Variants in UGT2A3 observed in about 807,000 individuals in gnomAD.
UGT2A3 encodes the protein UDP glucuronosyltransferase family 2 member A3.
Under a neutral mutation model 44.1 loss-of-function variants are expected in UGT2A3, and 55 were observed. The observed-to-expected ratio is 1.25, with a 90% CI of 1.00 to 1.56. The LOEUF (loss-of-function observed/expected upper bound fraction) is 1.56, where lower values mean the gene tolerates loss of function less well. Ranked by LOEUF, UGT2A3 falls within the 40% of genes most tolerant of loss-of-function variation. The pLI is 0.00. For missense variants in UGT2A3, 733 were observed against 621.6 expected (o/e 1.18, Z -1.91); for synonymous variants, 243 against 215.1 (o/e 1.13, Z -1.13).
In UGT2A3 at chr4:68,928,806, T is replaced by A. The variant is rs577546905; in HGVS notation, c.*1007A>T. The A allele has an allele frequency of 5.3e-5, 8 of 152,080 alleles. No homozygotes were observed. In the East Asian group the frequency reaches 7.7e-4, roughly 15 times the overall value. The allele number at this position is 152,080 out of a possible 1,614,324, so 9.4% of individuals were successfully genotyped here. On this transcript the variant is annotated 3_prime_UTR_variant, in exon 6 of 6. Transcript: ENST00000251566. Reference sequence around the variant, plus strand: ...ACTATTTGTTATGCAGGTTTTCTAATACCTTAAATTTTTACTATGTAAGCA... The same window carrying A: ...ACTATTTGTTATGCAGGTTTTCTAAAACCTTAAATTTTTACTATGTAAGCA...
chr4:68,931,005 A>G, intron 4 of UGT2A3, 150 bp downstream of exon 4: 2 of 746,672 alleles, frequency 2.7e-6, no homozygotes, highest in Non-Finnish European at 4.2e-6. Flanking sequence ...AATCTATACA[A>G]TTTTAGTCAA....
At chr4:68,947,805 G>A (rs1315935802) in intron 1 of UGT2A3, among the ~76,000 whole-genome samples, 3 of 151,752 alleles carry the variant, frequency 2.0e-5, no homozygotes, top group African/African-American at 7.2e-5. Context: ...TTGTCAATGA[G>A]CAGCAATATT....
rs1718078091 is a variant in UGT2A3 at position 68,939,007 on chromosome 4, C to G, written c.865-6248G>C. Among the ~76,000 whole-genome samples, 5 of 152,184 alleles carry G rather than the reference C, an allele frequency of 3.3e-5. No individual in the cohort carries two copies. In the South Asian group the frequency reaches 1.0e-3, roughly 32 times the overall value. ...AACTTACAAGGGATGTGAAAGATCT[C>G]TTCAAGGAGTACTACAAACCACTGC... On this transcript the variant is annotated intron_variant, in intron 2 of 5. Coordinates refer to ENST00000251566, the MANE Select transcript of UGT2A3 (RefSeq NM_024743.4).
rs774483064 is a variant in UGT2A3 at position 68,932,747 on chromosome 4, A to C, written c.877T>G (p.Phe293Val). Reference sequence around the variant, plus strand: ...CCATCTTCCCCTGAACTCTGGACAAAATTTTCCATTTCCTGAAGATAAAAA... The same window carrying C: ...CCATCTTCCCCTGAACTCTGGACAACATTTTCCATTTCCTGAAGATAAAAA... ...AKALPKEMENFVQSSGEDGIV... is the reference protein window; with the variant it reads ...AKALPKEMENVVQSSGEDGIV... The change falls in exon 3 of 6, where the codon TTT (phenylalanine) becomes GTT (valine). Residue 293 changes from phenylalanine (F) to valine (V), a missense_variant. By Grantham distance (50) the Phe-to-Val change is conservative (BLOSUM62 -1). Transcript: ENST00000251566. 6 of 1,607,166 alleles carry C rather than the reference A, an allele frequency of 3.7e-6. No homozygotes were observed. The highest frequency in any genetic ancestry group is 3.4e-6 in the Non-Finnish European group (4 of 1,176,884).
intron 2 of UGT2A3, among the ~76,000 whole-genome samples, chr4:68,935,374 G>A (rs1325988984): frequency 6.8e-6 from 1 of 147,544 alleles, no homozygotes; most frequent in East Asian, 2.0e-4. Context: ...CTGTTCTGCA[G>A]TATTTGCTGT....
intron 1 of UGT2A3, among the ~76,000 whole-genome samples, chr4:68,946,790 A>G (rs897539921): frequency 1.3e-5 from 2 of 151,660 alleles, no homozygotes; most frequent in Non-Finnish European, 3.0e-5. Flanking sequence ...GTTCATCTCA[A>G]TAAAAGGAAT....
chr4:68,934,576 A>G (rs112106158), intron 2 of UGT2A3, among the ~76,000 whole-genome samples: 16 of 152,012 alleles, frequency 1.1e-4, no homozygotes, highest in African/African-American at 3.6e-4. Context: ...GGGAGATTAC[A>G]AAGAGACAAA....
At chr4:68,941,674 T>C (rs940177701) in intron 2 of UGT2A3, among the ~76,000 whole-genome samples, 1 of 151,622 alleles carries the variant, frequency 6.6e-6, no homozygotes, top group Admixed American at 6.6e-5. Context: ...GCAGAGAAAA[T>C]GAAGCAAACA....
At chr4:68,939,513 G>C (rs1560458971) in intron 2 of UGT2A3, among the ~76,000 whole-genome samples, 1 of 151,822 alleles carries the variant, frequency 6.6e-6, no homozygotes, top group South Asian at 2.1e-4. Flanking sequence ...AAGTTGAAAC[G>C]GATCCCTTCT....
At chr4:68,943,889 T>C (rs554554724) in intron 2 of UGT2A3, among the ~76,000 whole-genome samples, 1 of 151,866 alleles carries the variant, frequency 6.6e-6, no homozygotes, top group East Asian at 2.0e-4. Context: ...CTGCTTGCAT[T>C]AAACCTACCA....
intron 1 of UGT2A3, 62 bp downstream of exon 1, chr4:68,950,984 T>A (rs1254924477): frequency 4.9e-6 from 6 of 1,214,786 alleles, no homozygotes; most frequent in Non-Finnish European, 6.8e-6. Context: ...AGACAATGTA[T>A]GACAATTTTT....
At chr4:68,932,271 T>G (rs1717764708) in intron 3 of UGT2A3, among the ~76,000 whole-genome samples, 1 of 151,774 alleles carries the variant, frequency 6.6e-6, no homozygotes, top group African/African-American at 2.4e-5. Flanking sequence ...TTGAGATTGA[T>G]TCTTCTTTTT....
Position 68,929,830 on chromosome 4 carries a change from T to G in UGT2A3, c.1567A>C (p.Ile523Leu), listed in dbSNP as rs1717654354. Residue 523 changes from isoleucine to leucine, a missense_variant, in exon 6 of 6, where the codon ATA becomes CTA. Physicochemically the swap from Ile to Leu is conservative, Grantham distance 5. Coordinates refer to ENST00000251566, the MANE Select transcript of UGT2A3 (RefSeq NM_024743.4). Reference protein sequence around the residue: ...SCQKFNKTRKIEKRE With the variant: ...SCQKFNKTRKLEKRE ...GGAAAGATCTATTCCCTCTTTTCTA[T>G]CTTTCTAGTTTTATTAAATTTTTGA... The G allele has an allele frequency of 1.9e-6, 3 of 1,599,372 alleles. No homozygotes were observed. The South Asian group carries it at 3.4e-5, about 18-fold the overall frequency.
intron 1 of UGT2A3, among the ~76,000 whole-genome samples, chr4:68,946,593 T>C (rs759730051): frequency 1.3e-5 from 2 of 151,686 alleles, no homozygotes; most frequent in Non-Finnish European, 3.0e-5. Context: ...TTAGGACTCA[T>C]TTAAGAAAGA....
intron 1 of UGT2A3, among the ~76,000 whole-genome samples, chr4:68,947,074 A>C (rs1233026002): frequency 4.6e-5 from 7 of 151,678 alleles, no homozygotes; most frequent in African/African-American, 1.7e-4. Flanking sequence ...ATTAGACAAC[A>C]AAGATTGTTG....
chr4:68,947,917 G>A (rs933877610), intron 1 of UGT2A3, among the ~76,000 whole-genome samples: 2 of 151,716 alleles, frequency 1.3e-5, no homozygotes, highest in Non-Finnish European at 2.9e-5. Context: ...AGGCTTTGTT[G>A]TTCCATTGAT....
At chr4:68,940,238 C>T (rs1718134146) in intron 2 of UGT2A3, among the ~76,000 whole-genome samples, 1 of 152,100 alleles carries the variant, frequency 6.6e-6, no homozygotes. Flanking sequence ...GCTATAAAGA[C>T]ACATGCACAC....
At chr4:68,948,439 C>CTT (rs60082800) in intron 1 of UGT2A3, among the ~76,000 whole-genome samples, 1,330 of 110,042 alleles carry the variant, frequency 0.012, 61 homozygotes, top group African/African-American at 0.022. Context: ...TCTTTTTTTT[C>CTT]TTTTTTTTTT....
chr4:68,942,604 C>T (rs1434106139), intron 2 of UGT2A3, among the ~76,000 whole-genome samples: 1 of 147,698 alleles, frequency 6.8e-6, no homozygotes, highest in African/African-American at 2.5e-5. Context: ...GAATGAAATC[C>T]TGTCATTTGT....
Sources: allele counts gnomAD v4.1 joint callset (sites outside exome capture counted in the v4.1 genomes callset), GRCh38; gene constraint gnomAD v4.1.1; transcripts MANE v1.5; gene names NCBI Gene and HGNC (gene_info 2026-07-23, HGNC 2026-07-21).